The following PCNP variants were observed in gnomAD, a reference collection of about 807,000 sequenced individuals.
PCNP encodes PEST proteolytic signal containing nuclear protein, also known as PEST proteolytic signal-containing nuclear protein.
Under a neutral mutation model 21.8 loss-of-function variants are expected in PCNP, and 6 were observed. The observed-to-expected ratio is 0.28, with a 90% CI of 0.15 to 0.54. The LOEUF is 0.54. Among genes scored for constraint, PCNP ranks in the 20% least tolerant of loss-of-function variants. The probability of loss-of-function intolerance (pLI) is 0.95; values close to 1 mark genes in which losing one functional copy is unlikely to be tolerated. For missense variants in PCNP, 161 were observed against 215.5 expected (o/e 0.75, Z 1.58); for synonymous variants, 67 against 73.2 (o/e 0.92, Z 0.43).
At chr3:101,591,656 T>C (rs78561880) in intron 4 of PCNP, among the ~76,000 whole-genome samples, 16 of 152,218 alleles carry the variant, frequency 1.1e-4, no homozygotes, top group African/African-American at 3.6e-4. Flanking sequence ...CATGTTTTTC[T>C]TCTATTTCAT....
rs1215405992 is a variant in PCNP, at chr3:101,593,054, CTA to C, written c.*303_*304del. The C allele has an allele frequency of 5.2e-6, 1 of 194,072 alleles. No individual in the cohort carries two copies. Among genetic ancestry groups the C allele is most frequent in the East Asian group, 1.3e-4 (1 of 7,600 alleles). 12.0% of individuals were successfully genotyped at this position (194,072 alleles called of 1,614,324 possible). On this transcript the variant is annotated 3_prime_UTR_variant, in exon 5 of 5. Transcript: ENST00000265260. ...GAATTGCATATTTTTTTAGACACAA[CTA>C]TTAGTACATTAAGAGGGAAGCAAAG... is the stretch of plus-strand genomic sequence containing the variant.
intron 4 of PCNP, among the ~76,000 whole-genome samples, chr3:101,590,722 T>C (rs1037106040): frequency 1.3e-5 from 2 of 151,842 alleles, no homozygotes; most frequent in Admixed American, 6.6e-5. Context: ...TTTTTTTTTT[T>C]ATTTTTAGTA....
chr3:101,591,333 C>T (rs547449415), intron 4 of PCNP, among the ~76,000 whole-genome samples: 30 of 152,132 alleles, frequency 2.0e-4, no homozygotes, highest in Non-Finnish European at 3.8e-4. Flanking sequence ...CCATTTCTTC[C>T]AAATGTATGA....
chr3:101,586,545 C>T (rs1238889767), intron 3 of PCNP, among the ~76,000 whole-genome samples: 3 of 99,826 alleles, frequency 3.0e-5, no homozygotes, highest in African/African-American at 6.3e-5. Context: ...GGCGTATATT[C>T]GTGTGTGTGT....
At position 101,579,739 on chromosome 3, in the gene PCNP, A is replaced by G. The variant is rs186489466; in HGVS notation, c.65-51A>G. 144 of 1,288,188 alleles carry G rather than the reference A, an allele frequency of 1.1e-4. No individual in the cohort carries two copies. The African/African-American group carries it at 1.8e-3, about 16-fold the overall frequency. The allele number at this position is 1,288,188 out of a possible 1,614,324, so 79.8% of individuals were successfully genotyped here. On this transcript the variant is annotated intron_variant, in intron 1 of 4. Transcript: ENST00000265260. ...CTTTTTGAGGTTGCTGCTCCCATCA[A>G]TCTGCTCAGTAAAAATAGCTCATCT... is the stretch of plus-strand genomic sequence containing the variant.
At chr3:101,576,514 G>A in intron 1 of PCNP, 1 of 1,609,656 alleles carries the variant, frequency 6.2e-7, no homozygotes, top group Non-Finnish European at 8.5e-7. Flanking sequence ...CACACCCACG[G>A]TGCGGCCACG....
chr3:101,582,889 TG>T (rs1935299643), intron 2 of PCNP, among the ~76,000 whole-genome samples: 1 of 152,140 alleles, frequency 6.6e-6, no homozygotes, highest in Non-Finnish European at 1.5e-5. Flanking sequence ...GGTGGGGAAA[TG>T]TAGGGATAAA....
chr3:101,574,116 C>T (rs1411760822), upstream of PCNP: 2 of 1,496,484 alleles, frequency 1.3e-6, no homozygotes, highest in Non-Finnish European at 1.8e-6. Context: ...CGGGACCGCT[C>T]TAGGCTGCCA....
chr3:101,574,168 G>T, upstream of PCNP: 1 of 1,539,288 alleles, frequency 6.5e-7, no homozygotes, highest in South Asian at 1.2e-5. Flanking sequence ...TGTTGGGCGG[G>T]GTCGTGACGT....
intron 3 of PCNP, among the ~76,000 whole-genome samples, chr3:101,589,410 C>CTTTTTTTTTTTTT (rs35442732): frequency 1.4e-5 from 2 of 146,044 alleles, no homozygotes; most frequent in African/African-American, 2.5e-5. Flanking sequence ...AATGAGCTCT[C>CTTTTTTTTTTTTT]TTTTTTTTTT....
At chr3:101,592,331 G>T (rs1935859281) in intron 4 of PCNP, among the ~76,000 whole-genome samples, 1 of 152,056 alleles carries the variant, frequency 6.6e-6, no homozygotes, top group East Asian at 1.9e-4. Flanking sequence ...GGACCACCAT[G>T]CCTGGCTAAT....
chr3:101,578,929 C>G (rs540455951), intron 1 of PCNP, among the ~76,000 whole-genome samples: 1 of 152,122 alleles, frequency 6.6e-6, no homozygotes, highest in African/African-American at 2.4e-5. Context: ...TCTGTCTTAC[C>G]GCCTGATATG....
At chr3:101,587,077 C>G (rs1221552495) in intron 3 of PCNP, among the ~76,000 whole-genome samples, 2 of 151,826 alleles carry the variant, frequency 1.3e-5, no homozygotes, top group Non-Finnish European at 2.9e-5. Flanking sequence ...ATGGAGAAAC[C>G]CCGTCTCTAC....
intron 2 of PCNP, among the ~76,000 whole-genome samples, chr3:101,582,680 A>G (rs1935287678): frequency 6.6e-6 from 1 of 152,212 alleles, no homozygotes. Flanking sequence ...TCAAAAGAAA[A>G]CACTGTAAAA....
At chr3:101,586,694 G>A (rs1362919320) in intron 3 of PCNP, among the ~76,000 whole-genome samples, 2 of 149,034 alleles carry the variant, frequency 1.3e-5, no homozygotes, top group Non-Finnish European at 3.0e-5. Flanking sequence ...GACTTCCCAG[G>A]CTCAAGTGAT....
chr3:101,578,783 A>G (rs765204672), intron 1 of PCNP, among the ~76,000 whole-genome samples: 87 of 152,216 alleles, frequency 5.7e-4, no homozygotes, highest in Non-Finnish European at 1.1e-3. Context: ...TTAACTGTTA[A>G]TCAAGGCCAT....
Position 101,578,056 on chromosome 3 carries a change from TAA to T in PCNP, c.65-1733_65-1732del, listed in dbSNP as rs376522787. Among the ~76,000 whole-genome samples the T allele has an allele frequency of 2.0e-4, 30 of 152,392 alleles. 1 individual carries two copies. The East Asian group carries it at 4.8e-3, about 24-fold the overall frequency. ...ATCCATGTTTTATGTTCTAAATTGA[TAA>T]GTTATTTTCTCATTTTTAAAAAAAC... is the stretch of plus-strand genomic sequence containing the variant. On this transcript the variant is annotated intron_variant, in intron 1 of 4. Transcript: ENST00000265260.
In PCNP at chr3:101,590,247, G is replaced by A. The variant is rs1211493517; in HGVS notation, c.387G>A (p.Lys129=). Residue 129 remains lysine (K), a synonymous_variant, in exon 4 of 5, where the codon AAG becomes AAA. Transcript: ENST00000265260. ...SEPEEMPPEA[K]MRMKNIGRDT... ...CAGAGGAAATGCCTCCAGAAGCAAA[G>A]ATGAGGATGAAGAATATTGGAAGGT... The A allele has an allele frequency of 1.3e-6, 2 of 1,567,024 alleles. No individual in the cohort carries two copies. The highest frequency in any genetic ancestry group is 3.4e-5 in the Admixed American group (2 of 59,670).
intron 3 of PCNP, chr3:101,589,705 C>T (rs1439918035): frequency 2.5e-5 from 4 of 158,402 alleles, no homozygotes; most frequent in Non-Finnish European, 5.5e-5. Flanking sequence ...AGCCACTGCA[C>T]CCAGCCAGGA....
Sources: gnomAD v4.1 joint callset for allele counts (sites outside exome capture counted in the v4.1 genomes callset) on GRCh38, gnomAD v4.1.1 for gene constraint, MANE v1.5 for transcripts, NCBI Gene and HGNC (gene_info 2026-07-23, HGNC 2026-07-21) for gene names.